Variants in ERC2 observed in about 807,000 individuals in gnomAD.
ERC2 encodes the protein ERC protein 2.
In ERC2, 42 loss-of-function variants were observed where a neutral mutation model predicts 114.8. That is an observed-to-expected ratio of 0.37 (90% CI 0.29 to 0.47). ERC2 has a LOEUF of 0.47. Ranked by LOEUF, ERC2 falls within the 20% of genes least tolerant of loss-of-function variation. The pLI, the probability that ERC2 is intolerant of heterozygous loss-of-function variation, is 0.99. For missense variants in ERC2, 939 were observed against 1,150.7 expected (o/e 0.82, Z 2.66); for synonymous variants, 454 against 425.5 (o/e 1.07, Z -0.82).
At chr3:56,093,416 C>T (rs1226499192) in intron 6 of ERC2, among the ~76,000 whole-genome samples, 1 of 152,086 alleles carries the variant, frequency 6.6e-6, no homozygotes, top group African/African-American at 2.4e-5. Context: ...ACATTCCCTC[C>T]AAGTCTCAAC....
At chr3:56,292,323 C>T (rs1576301787) in intron 3 of ERC2, among the ~76,000 whole-genome samples, 2 of 151,794 alleles carry the variant, frequency 1.3e-5, no homozygotes, top group Admixed American at 6.6e-5. Flanking sequence ...GTGGCTCACA[C>T]CTGTAATCCC....
At chr3:55,892,905 T>C (rs1243840377) in intron 13 of ERC2, among the ~76,000 whole-genome samples, 1 of 152,234 alleles carries the variant, frequency 6.6e-6, no homozygotes, top group African/African-American at 2.4e-5. Flanking sequence ...ACCCCCACAA[T>C]TCATATGTTG....
intron 3 of ERC2, among the ~76,000 whole-genome samples, chr3:56,226,778 C>G (rs1378608364): frequency 6.6e-6 from 1 of 152,134 alleles, no homozygotes; most frequent in African/African-American, 2.4e-5. Context: ...CGTCTTAACT[C>G]CTAACATCCT....
chr3:55,832,942 C>T lies in ERC2; in HGVS notation c.2564+55447G>A, dbSNP rs182290670. 2.6e-3 allele frequency among the ~76,000 whole-genome samples: 399 copies of T among 151,872 alleles called. 2 individuals are homozygous for T. The highest frequency in any genetic ancestry group is 9.1e-3 in the African/African-American group (374 of 41,296). ...GCTGATGGAGCTGAAAGCCAAGGCT[C>T]GAGAACTACATGAAGAATGTAAAGG... On this transcript the variant is annotated intron_variant, in intron 14 of 17. Transcript: ENST00000288221.
chr3:56,464,837 G>A (rs548633691), intron 1 of ERC2, among the ~76,000 whole-genome samples: 120 of 151,696 alleles, frequency 7.9e-4, no homozygotes, highest in African/African-American at 2.8e-3. Flanking sequence ...GATGCCCCAC[G>A]GACCAGCCAA....
chr3:56,067,607 C>T (rs1298793852), intron 7 of ERC2, among the ~76,000 whole-genome samples: 1 of 152,098 alleles, frequency 6.6e-6, no homozygotes, highest in African/African-American at 2.4e-5. Context: ...AAGAGGGTAT[C>T]CTTGTGTTGT....
chr3:56,218,579 T>C (rs546184384), intron 3 of ERC2, among the ~76,000 whole-genome samples: 223 of 152,286 alleles, frequency 1.5e-3, no homozygotes, highest in African/African-American at 5.2e-3. Flanking sequence ...GAAGTCAGAG[T>C]GGCAATCCCT....
At chr3:55,598,438 T>C (rs999019671) in intron 17 of ERC2, among the ~76,000 whole-genome samples, 1 of 152,256 alleles carries the variant, frequency 6.6e-6, no homozygotes, top group East Asian at 1.9e-4. Context: ...GTGCTGACTA[T>C]GCAGGCTGCT....
chr3:55,799,451 A>ATATATATATATATATATATATATGCC (rs2070849455), intron 14 of ERC2, among the ~76,000 whole-genome samples: 3 of 54,294 alleles, frequency 5.5e-5, no homozygotes, highest in Admixed American at 1.7e-4. Flanking sequence ...ATATATATGC[A>ATATATATATATATATATATATATGCC]TATATATATA....
At chr3:55,866,342 C>A (rs2062313426) in intron 14 of ERC2, among the ~76,000 whole-genome samples, 1 of 152,054 alleles carries the variant, frequency 6.6e-6, no homozygotes, top group South Asian at 2.1e-4. Context: ...GTTCTTATAA[C>A]TCTTATAGAG....
intron 7 of ERC2, among the ~76,000 whole-genome samples, chr3:56,070,119 A>G (rs945332626): frequency 1.3e-5 from 2 of 152,232 alleles, no homozygotes; most frequent in African/African-American, 2.4e-5. Context: ...ATAAATGCCA[A>G]TATAGATATG....
chr3:56,429,356 C>T (rs1306934810), intron 2 of ERC2, among the ~76,000 whole-genome samples: 3 of 152,176 alleles, frequency 2.0e-5, no homozygotes, highest in East Asian at 1.9e-4. Flanking sequence ...GGCAGCAGAA[C>T]ATCCTTTCTC....
chr3:56,382,834 C>T (rs1053353982), intron 2 of ERC2, among the ~76,000 whole-genome samples: 6 of 151,994 alleles, frequency 3.9e-5, no homozygotes, highest in African/African-American at 1.2e-4. Context: ...TCCCTGGACT[C>T]GAAACTGCAA....
At position 56,282,678 on chromosome 3, in the gene ERC2, GTGC is replaced by G. The variant is rs57092549; in HGVS notation, c.1074+13338_1074+13340del. On this transcript the variant is annotated intron_variant, in intron 3 of 17. Transcript: ENST00000288221. The stretch of plus-strand genomic sequence containing the variant: ...CTAGAAGATCTTCCATCTAACAGTG[GTGC>G]TGCTGCTGCTGCTGCTGCTGATTTA... Among the ~76,000 whole-genome samples, 6 of 151,102 alleles carry G rather than the reference GTGC, an allele frequency of 4.0e-5. No homozygotes were observed. In the South Asian group the frequency reaches 6.3e-4, roughly 16 times the overall value.
intron 2 of ERC2, among the ~76,000 whole-genome samples, chr3:56,369,096 T>C (rs2059264455): frequency 6.6e-6 from 1 of 152,186 alleles, no homozygotes; most frequent in African/African-American, 2.4e-5. Flanking sequence ...CCAAGAACCC[T>C]GTCTAATTCT....
At chr3:56,112,293 T>C (rs1490918597) in intron 6 of ERC2, among the ~76,000 whole-genome samples, 1 of 152,174 alleles carries the variant, frequency 6.6e-6, no homozygotes, top group Non-Finnish European at 1.5e-5. Flanking sequence ...AGGCAGCATA[T>C]AACCAAGAAG....
intron 16 of ERC2, among the ~76,000 whole-genome samples, chr3:55,685,271 T>G (rs368545550): frequency 6.6e-6 from 1 of 152,176 alleles, no homozygotes; most frequent in Non-Finnish European, 1.5e-5. Context: ...AATGGAATGA[T>G]TTGCACAGAG....
At chr3:56,262,883 T>C (rs1271159856) in intron 3 of ERC2, among the ~76,000 whole-genome samples, 2 of 152,218 alleles carry the variant, frequency 1.3e-5, no homozygotes, top group Non-Finnish European at 2.9e-5. Flanking sequence ...CCTGTAACAA[T>C]TTAACATTCC....
chr3:55,870,077 C>T (rs916263947), intron 14 of ERC2, among the ~76,000 whole-genome samples: 1 of 147,782 alleles, frequency 6.8e-6, no homozygotes, highest in Non-Finnish European at 1.5e-5. Flanking sequence ...AAAAAGAGTA[C>T]AATTTTTTTT....
Sources: gnomAD v4.1 joint callset for allele counts (sites outside exome capture counted in the v4.1 genomes callset) on GRCh38, gnomAD v4.1.1 for gene constraint, MANE v1.5 for transcripts, NCBI Gene and HGNC (gene_info 2026-07-23, HGNC 2026-07-21) for gene names.